Variants in GALNT2 observed in about 807,000 individuals in gnomAD.
The protein encoded by GALNT2 is UDP-GalNAc:polypeptide N-acetylgalactosaminyltransferase 2.
GALNT2 carries 31 observed loss-of-function variants against 81.4 expected under a neutral mutation model. The ratio of observed to expected loss-of-function variants is 0.38; its 90% confidence interval spans 0.29 to 0.51. The LOEUF (loss-of-function observed/expected upper bound fraction) is 0.51, where lower values mean the gene tolerates loss of function less well. Ranked by LOEUF, GALNT2 falls within the 20% of genes least tolerant of loss-of-function variation. The probability of loss-of-function intolerance (pLI) is 0.87; values close to 1 mark genes in which losing one functional copy is unlikely to be tolerated. For synonymous variants in GALNT2, 303 were observed against 287.4 expected (o/e 1.05, Z -0.55); for missense variants, 629 against 765.7 (o/e 0.82, Z 2.11).
At chr1:230,231,133 C>T (rs1036490157) in intron 3 of GALNT2, among the ~76,000 whole-genome samples, 4 of 152,216 alleles carry the variant, frequency 2.6e-5, no homozygotes, top group Non-Finnish European at 5.9e-5. Context: ...CATCGGCTGC[C>T]TCTCCAAGTT....
At chr1:230,140,667 C>T (rs1193887230) in intron 1 of GALNT2, among the ~76,000 whole-genome samples, 2 of 152,234 alleles carry the variant, frequency 1.3e-5, no homozygotes, top group East Asian at 1.9e-4. Context: ...ATCTTCTCCC[C>T]TCCCACAATG....
chr1:230,253,757 G>A (rs957388384), intron 10 of GALNT2, among the ~76,000 whole-genome samples: 11 of 151,974 alleles, frequency 7.2e-5, no homozygotes, highest in African/African-American at 2.4e-4. Context: ...TCACCCTACC[G>A]GGCTGTAGAA....
At chr1:230,224,433 G>A (rs926699695) in intron 3 of GALNT2, among the ~76,000 whole-genome samples, 3 of 152,296 alleles carry the variant, frequency 2.0e-5, no homozygotes, top group East Asian at 1.9e-4. Flanking sequence ...GAGTTCAGAC[G>A]GCTTCATCCA....
At chr1:230,131,263 C>A (rs1571998537) in intron 1 of GALNT2, among the ~76,000 whole-genome samples, 1 of 152,068 alleles carries the variant, frequency 6.6e-6, no homozygotes, top group Non-Finnish European at 1.5e-5. Flanking sequence ...CAACTCTGAC[C>A]GCCAGTTTTA....
chr1:230,067,431 C>A, intron 1 of GALNT2, 25 bp downstream of exon 1: 2 of 1,005,800 alleles, frequency 2.0e-6, no homozygotes, highest in Non-Finnish European at 1.3e-6. Context: ...CTGCCGCGGC[C>A]GGGCCCCTGC....
chr1:230,153,559 G>C (rs1247238949), intron 1 of GALNT2, among the ~76,000 whole-genome samples: 1 of 152,202 alleles, frequency 6.6e-6, no homozygotes, highest in Non-Finnish European at 1.5e-5. Context: ...TTTTTTGAAA[G>C]GGCTGGGGAA....
chr1:230,171,387 T>C (rs993613768), intron 1 of GALNT2, among the ~76,000 whole-genome samples: 25 of 152,370 alleles, frequency 1.6e-4, no homozygotes, highest in Middle Eastern at 3.4e-3. Flanking sequence ...CCTGTTTTTT[T>C]CCCCAAAACT....
chr1:230,279,732 G>A lies in GALNT2; in HGVS notation c.*274G>A, dbSNP rs897574637. The A allele has an allele frequency of 5.7e-5, 30 of 528,366 alleles. No individual in the cohort carries two copies. Among genetic ancestry groups the A allele is most frequent in the African/African-American group, 4.7e-4 (25 of 53,462 alleles). 32.7% of individuals were successfully genotyped at this position (528,366 alleles called of 1,614,324 possible). ...CCTCTTCCTTCCAGCTTTCACTTCTGCCGGCTCCGCAACTGAGTGACACCC... is the reference window on the plus strand; with the variant it reads ...CCTCTTCCTTCCAGCTTTCACTTCTACCGGCTCCGCAACTGAGTGACACCC... On this transcript the variant is annotated 3_prime_UTR_variant, in exon 16 of 16. Transcript: ENST00000366672. This position sits in a 1 kb window ranked among gnomAD's most constrained non-coding sequence, Gnocchi z 4.6.
chr1:230,254,362 G>A (rs1191219148), intron 10 of GALNT2, among the ~76,000 whole-genome samples: 1 of 152,178 alleles, frequency 6.6e-6, no homozygotes, highest in East Asian at 1.9e-4. Context: ...CCTCCTGCCG[G>A]TCAGTTCTGT....
intron 1 of GALNT2, among the ~76,000 whole-genome samples, chr1:230,151,529 C>G (rs34351083): frequency 0.084 from 12,751 of 152,266 alleles, 698 homozygotes; most frequent in Non-Finnish European, 0.12. Flanking sequence ...CCCGGCCTCC[C>G]CAAGATAGCC....
intron 1 of GALNT2, among the ~76,000 whole-genome samples, chr1:230,168,038 C>A (rs1052614099): frequency 3.3e-5 from 5 of 150,418 alleles, no homozygotes; most frequent in Non-Finnish European, 1.5e-5. Context: ...AGTAAAAGAA[C>A]CTGCTTCAGC....
At chr1:230,216,474 C>A (rs1303989194) in intron 3 of GALNT2, among the ~76,000 whole-genome samples, 2 of 152,182 alleles carry the variant, frequency 1.3e-5, no homozygotes, top group African/African-American at 2.4e-5. Context: ...AGTTGTCTCA[C>A]CCCGTTGCCC....
intron 1 of GALNT2, among the ~76,000 whole-genome samples, chr1:230,173,735 C>G (rs611841): frequency 6.6e-6 from 1 of 152,050 alleles, no homozygotes; most frequent in Non-Finnish European, 1.5e-5. Flanking sequence ...GGCGCAAGAG[C>G]CTTCTTCATA....
At chr1:230,071,296 C>CT (rs1310141421) in intron 1 of GALNT2, among the ~76,000 whole-genome samples, 3 of 152,208 alleles carry the variant, frequency 2.0e-5, no homozygotes, top group Non-Finnish European at 1.5e-5. Context: ...TAGAGACGGA[C>CT]TTTTTGGGAA....
rs1054133980 is a variant in GALNT2, at chr1:230,275,158, A to G, written c.1560+594A>G. ...CCACATATACATATATACACACCAC[A>G]TATACATATACCTGCCACATATATA... On this transcript the variant is annotated intron_variant, in intron 15 of 15. Coordinates refer to ENST00000366672, the MANE Select transcript of GALNT2 (RefSeq NM_004481.5). This position sits in a 1 kb window ranked among gnomAD's most constrained non-coding sequence, Gnocchi z 5.5. Among the ~76,000 whole-genome samples the G allele has an allele frequency of 6.6e-6, 1 of 151,648 alleles. No homozygotes were observed. The highest frequency in any genetic ancestry group is 6.6e-5 in the Admixed American group (1 of 15,206).
chr1:230,192,039 C>A (rs938000027), intron 2 of GALNT2, among the ~76,000 whole-genome samples: 9 of 152,234 alleles, frequency 5.9e-5, no homozygotes, highest in African/African-American at 2.2e-4. Flanking sequence ...GACAGGAACA[C>A]CTGCTCTCAA....
intron 3 of GALNT2, 63 bp from the exon 4 acceptor site, chr1:230,235,951 G>C: frequency 6.7e-7 from 1 of 1,496,974 alleles, no homozygotes; most frequent in Non-Finnish European, 9.3e-7. Flanking sequence ...TCTCTGAAGG[G>C]CTAAACAAGC....
Position 230,279,246 on chromosome 1 carries a change from C to G in GALNT2, c.1561-57C>G. 5 of 1,546,014 alleles carry G rather than the reference C, an allele frequency of 3.2e-6. No individual in the cohort carries two copies. Among genetic ancestry groups the G allele is most frequent in the Non-Finnish European group, 4.4e-6 (5 of 1,135,176 alleles). On this transcript the variant is annotated intron_variant, in intron 15 of 15. Transcript: ENST00000366672. This position sits in a 1 kb window ranked among gnomAD's most constrained non-coding sequence, Gnocchi z 4.6. ...CACAAGGTCCTGAATTCACACGAAT[C>G]TGTTTGTACTCCTTTGCTTGTGCCC...
intron 12 of GALNT2, 42 bp downstream of exon 12, chr1:230,262,707 T>TG: frequency 8.2e-6 from 8 of 971,356 alleles, no homozygotes; most frequent in East Asian, 2.9e-5. Flanking sequence ...TGGGGATTCT[T>TG]GGGGTGTGGG....
Sources: allele counts gnomAD v4.1 joint callset (sites outside exome capture counted in the v4.1 genomes callset), GRCh38; gene constraint gnomAD v4.1.1; non-coding constraint Gnocchi (gnomAD v3.1); transcripts MANE v1.5; gene names NCBI Gene and HGNC (gene_info 2026-07-23, HGNC 2026-07-21).